Variants in MTMR12 observed in about 807,000 individuals in gnomAD.
MTMR12 encodes myotubularin-related protein 12.
In MTMR12, 33 loss-of-function variants were observed where a neutral mutation model predicts 96.7. The ratio of observed to expected loss-of-function variants is 0.34; its 90% confidence interval spans 0.26 to 0.46. The LOEUF (loss-of-function observed/expected upper bound fraction) is 0.46. Among genes scored for constraint, MTMR12 ranks in the 20% least tolerant of loss-of-function variants. The pLI, the probability that MTMR12 is intolerant of heterozygous loss-of-function variation, is 1.00. For synonymous variants in MTMR12, 298 were observed against 327.2 expected (o/e 0.91, Z 0.96); for missense variants, 721 against 896.1 (o/e 0.80, Z 2.49).
chr5:32,288,903 G>GC (rs1750644178), intron 1 of MTMR12, among the ~76,000 whole-genome samples: 2 of 152,182 alleles, frequency 1.3e-5, no homozygotes, highest in South Asian at 4.1e-4. Context: ...CCAGCTGGGA[G>GC]GGTCCAGAAG....
Position 32,233,711 on chromosome 5 carries a change from T to A in MTMR12, c.1674+62A>T, listed in dbSNP as rs559867048. ...TGGCAGACAGAATCCGTAAGTACCT[T>A]TTATCATTACATGCACGGGGTCTGG... On this transcript the variant is annotated intron_variant, in intron 15 of 15. Transcript: ENST00000382142. The surrounding 1 kb of genome is among the most constrained non-coding windows in gnomAD (Gnocchi z 5.0). The A allele has an allele frequency of 7.5e-5, 120 of 1,607,392 alleles. 1 individual carries two copies. The South Asian group carries it at 1.2e-3, about 16-fold the overall frequency.
In MTMR12 at chr5:32,229,952, A is replaced by G. The variant is rs1468624618; in HGVS notation, c.2070T>C (p.Ala690=). The G allele has an allele frequency of 6.2e-7, 1 of 1,612,366 alleles. No individual in the cohort carries two copies. Among genetic ancestry groups the G allele is most frequent in the South Asian group, 1.1e-5 (1 of 90,830 alleles). The change falls in exon 16 of 16, where the codon GCT becomes GCC. Residue 690 remains alanine (A), a synonymous_variant. Coordinates refer to ENST00000382142, the MANE Select transcript of MTMR12 (RefSeq NM_001040446.3). ...ERHHSQQAPQ[A]EAPCLLRNSA... ...AGTTCCTCAGCAGGCAGGGGGCCTC[A>G]GCCTGGGGGGCCTGCTGGCTGTGGT...
At chr5:32,252,120 GA>G (rs1748953117) in intron 8 of MTMR12, among the ~76,000 whole-genome samples, 1 of 152,184 alleles carries the variant, frequency 6.6e-6, no homozygotes, top group Non-Finnish European at 1.5e-5. Context: ...GGAAAAAAAA[GA>G]TACTCAGGGT....
chr5:32,233,463 CACACACACAA>C lies in MTMR12; in HGVS notation c.1674+300_1674+309del, dbSNP rs879306571. On this transcript the variant is annotated intron_variant, in intron 15 of 15. Transcript: ENST00000382142. This position sits in a 1 kb window ranked among gnomAD's most constrained non-coding sequence, Gnocchi z 5.0. Reference sequence around the variant, plus strand: ...GTTCCTTTTACTCTACTAACACACACACACACACAAACACACACACACACACACACACACA... The same window carrying C: ...GTTCCTTTTACTCTACTAACACACACACACACACACACACACACACACACA... Among the ~76,000 whole-genome samples, 2,834 of 148,490 alleles carry C rather than the reference CACACACACAA, an allele frequency of 0.019. 44 individuals carry two copies. The highest frequency in any genetic ancestry group is 0.065 in the East Asian group (327 of 5,054).
intron 8 of MTMR12, among the ~76,000 whole-genome samples, chr5:32,249,740 G>A (rs1398268695): frequency 6.6e-6 from 1 of 152,162 alleles, no homozygotes; most frequent in African/African-American, 2.4e-5. Context: ...CTTTTTTCAG[G>A]TTACAGTGGG....
chr5:32,267,377 GAA>G (rs751223074), intron 6 of MTMR12, among the ~76,000 whole-genome samples: 90 of 89,912 alleles, frequency 1.0e-3, no homozygotes, highest in Middle Eastern at 5.4e-3. Context: ...CTCCATCTCA[GAA>G]AAAAAAAAAA....
At chr5:32,299,803 CTTACA>C in intron 1 of MTMR12, among the ~76,000 whole-genome samples, 1 of 152,216 alleles carries the variant, frequency 6.6e-6, no homozygotes. Flanking sequence ...GTGCACACAC[CTTACA>C]TAAGAGATGG....
At chr5:32,305,680 G>C (rs1464815685) in intron 1 of MTMR12, among the ~76,000 whole-genome samples, 1 of 152,130 alleles carries the variant, frequency 6.6e-6, no homozygotes, top group Non-Finnish European at 1.5e-5. Flanking sequence ...AAGGCAGGTG[G>C]ATCACCTGAG....
chr5:32,304,533 C>T (rs1013714135), intron 1 of MTMR12, among the ~76,000 whole-genome samples: 2 of 152,010 alleles, frequency 1.3e-5, no homozygotes, highest in African/African-American at 4.8e-5. Context: ...TTTTTTAGCC[C>T]TTATGATAAT....
Position 32,233,675 on chromosome 5 carries a change from G to T in MTMR12, c.1674+98C>A. ...TCAACTCTGCAGACTGCTTCGAGGG[G>T]TAGAAAATGCTGGCAGACAGAATCC... On this transcript the variant is annotated intron_variant, in intron 15 of 15. Transcript: ENST00000382142. The surrounding 1 kb of genome is among the most constrained non-coding windows in gnomAD (Gnocchi z 5.0). The T allele has an allele frequency of 6.6e-7, 1 of 1,525,152 alleles. No homozygotes were observed. The highest frequency in any genetic ancestry group is 1.4e-5 in the African/African-American group (1 of 73,228). The allele number at this position is 1,525,152 out of a possible 1,614,324, so 94.5% of individuals were successfully genotyped here.
At chr5:32,231,461 A>C (rs1384621660) in intron 15 of MTMR12, among the ~76,000 whole-genome samples, 1 of 151,860 alleles carries the variant, frequency 6.6e-6, no homozygotes, top group Non-Finnish European at 1.5e-5. Flanking sequence ...CCAAAGCAGA[A>C]GTAAAAACAT....
chr5:32,273,839 G>A, intron 3 of MTMR12, 141 bp downstream of exon 3: 1 of 1,238,560 alleles, frequency 8.1e-7, no homozygotes. Flanking sequence ...TTCACCAAAT[G>A]CAGTTCATAC....
intron 6 of MTMR12, among the ~76,000 whole-genome samples, chr5:32,267,874 G>A (rs568475326): frequency 2.4e-4 from 36 of 151,676 alleles, no homozygotes; most frequent in African/African-American, 8.7e-4. Flanking sequence ...TCATTCTATT[G>A]CCAGGCCGGA....
At chr5:32,280,069 C>A (rs1020545544) in intron 1 of MTMR12, among the ~76,000 whole-genome samples, 1 of 152,228 alleles carries the variant, frequency 6.6e-6, no homozygotes, top group Admixed American at 6.5e-5. Flanking sequence ...GTATTTACTT[C>A]ACTGGTTCTT....
chr5:32,253,208 C>A (rs753035197), intron 8 of MTMR12, among the ~76,000 whole-genome samples: 1 of 152,122 alleles, frequency 6.6e-6, no homozygotes, highest in Non-Finnish European at 1.5e-5. Flanking sequence ...AACAGCCCCC[C>A]ACAACAAAGA....
chr5:32,299,563 T>C (rs1335092911), intron 1 of MTMR12, among the ~76,000 whole-genome samples: 1 of 152,068 alleles, frequency 6.6e-6, no homozygotes, highest in Non-Finnish European at 1.5e-5. Flanking sequence ...AACATTAAGT[T>C]AGGGGAAGAG....
chr5:32,236,847 AAAAAG>A (rs542318193), intron 13 of MTMR12, among the ~76,000 whole-genome samples: 134 of 151,732 alleles, frequency 8.8e-4, no homozygotes, highest in East Asian at 9.6e-4. Flanking sequence ...CCAAAAAAAA[AAAAAG>A]AAAAGAAAAG....
At chr5:32,238,100 C>T (rs1241419656) in intron 13 of MTMR12, among the ~76,000 whole-genome samples, 2 of 137,520 alleles carry the variant, frequency 1.5e-5, no homozygotes, top group East Asian at 2.2e-4. Context: ...GCTGAGACTG[C>T]ACCACTGCAC....
At chr5:32,263,080 TTGTACAG>T in intron 7 of MTMR12, 26 bp downstream of exon 7, 1 of 1,611,506 alleles carries the variant, frequency 6.2e-7, no homozygotes, top group South Asian at 1.1e-5. Flanking sequence ...AATGGGTGAA[TTGTACAG>T]CATGTGCCCA....
Sources: gnomAD v4.1 joint callset for allele counts (sites outside exome capture counted in the v4.1 genomes callset) on GRCh38, gnomAD v4.1.1 for gene constraint, Gnocchi (gnomAD v3.1) non-coding constraint, MANE v1.5 for transcripts, NCBI Gene and HGNC (gene_info 2026-07-23, HGNC 2026-07-21) for gene names.